CDK8: variants seen among roughly 807,000 people sequenced by gnomAD.
CDK8 encodes the protein cyclin-dependent kinase 8.
CDK8 carries 29 observed loss-of-function variants against 71.5 expected under a neutral mutation model. The observed-to-expected ratio is 0.41, with a 90% CI of 0.30 to 0.55. CDK8 has a LOEUF of 0.55. Ranked by LOEUF, CDK8 falls within the 20% of genes least tolerant of loss-of-function variation. The pLI is 0.37. For synonymous variants in CDK8, 161 were observed against 192.1 expected (o/e 0.84, Z 1.34); for missense variants, 288 against 572.6 (o/e 0.50, Z 5.07).
intron 12 of CDK8, among the ~76,000 whole-genome samples, chr13:26,403,700 G>T (rs1219557172): frequency 6.6e-6 from 1 of 152,144 alleles, no homozygotes; most frequent in East Asian, 1.9e-4. Flanking sequence ...GGTTACTCCT[G>T]TAGAAAAAAA....
chr13:26,358,956 G>T (rs1593286848), intron 4 of CDK8: 1 of 229,000 alleles, frequency 4.4e-6, no homozygotes, highest in Non-Finnish European at 9.2e-6. Context: ...GAGTCCAGGA[G>T]TTTGAGGCTG....
intron 4 of CDK8, among the ~76,000 whole-genome samples, chr13:26,378,819 A>G (rs1437731634): frequency 6.6e-6 from 1 of 152,254 alleles, no homozygotes; most frequent in African/African-American, 2.4e-5. Context: ...AACTGCTACC[A>G]AATTCTGCTA....
chr13:26,363,326 T>TAAAAAAAAAAAAAA, intron 4 of CDK8, among the ~76,000 whole-genome samples: 1 of 924 alleles, frequency 1.1e-3, no homozygotes, highest in Non-Finnish European at 2.4e-3. Context: ...AGACTCCATC[T>TAAAAAAAAAAAAAA]CAAAAAAAAA....
intron 1 of CDK8, among the ~76,000 whole-genome samples, chr13:26,329,035 T>G (rs28504059): frequency 5.7e-4 from 87 of 152,366 alleles, no homozygotes; most frequent in Non-Finnish European, 9.6e-4. Context: ...TTTGTTTTCT[T>G]GGATCCTCTT....
chr13:26,263,947 T>C (rs1395645940), intron 1 of CDK8, among the ~76,000 whole-genome samples: 1 of 148,854 alleles, frequency 6.7e-6, no homozygotes, highest in Non-Finnish European at 1.5e-5. Context: ...CGGGGTTTCA[T>C]CGTGTTAGCC....
chr13:26,313,001 A>G (rs544434192), intron 1 of CDK8, among the ~76,000 whole-genome samples: 1 of 152,246 alleles, frequency 6.6e-6, no homozygotes, highest in East Asian at 1.9e-4. Context: ...AAATGCTGTT[A>G]TATCAAGCTC....
At chr13:26,305,430 G>A (rs958279333) in intron 1 of CDK8, among the ~76,000 whole-genome samples, 11 of 152,108 alleles carry the variant, frequency 7.2e-5, no homozygotes, top group African/African-American at 2.7e-4. Flanking sequence ...GTACTTAAGT[G>A]TGGTTTTCTT....
In CDK8 at chr13:26,272,285, A is replaced by G. The variant is rs182235002; in HGVS notation, c.128+17516A>G. ...AGATGGGAGGATTGCTTGAGGCAGG[A>G]GTTCAAGACCAAACTTTTTTTTTTA... On this transcript the variant is annotated intron_variant, in intron 1 of 12. Coordinates refer to ENST00000381527, the MANE Select transcript of CDK8 (RefSeq NM_001260.3). Among the ~76,000 whole-genome samples, 34 of 152,124 alleles carry G rather than the reference A, an allele frequency of 2.2e-4. 1 individual carries two copies. The East Asian group carries it at 6.6e-3, about 29-fold the overall frequency.
intron 1 of CDK8, among the ~76,000 whole-genome samples, chr13:26,276,140 C>T (rs368297953): frequency 5.9e-5 from 9 of 152,124 alleles, no homozygotes; most frequent in African/African-American, 1.9e-4. Flanking sequence ...GGATTACAGG[C>T]GTGAGTAACC....
intron 1 of CDK8, among the ~76,000 whole-genome samples, chr13:26,274,440 T>TC (rs1872479667): frequency 6.6e-6 from 1 of 151,568 alleles, no homozygotes; most frequent in African/African-American, 2.4e-5. Flanking sequence ...TTTCTTTCTT[T>TC]TTTTTTTTTG....
At chr13:26,300,653 A>G (rs1169328942) in intron 1 of CDK8, among the ~76,000 whole-genome samples, 1 of 152,188 alleles carries the variant, frequency 6.6e-6, no homozygotes, top group Non-Finnish European at 1.5e-5. Context: ...AAGGTCGTCC[A>G]GATATTAGAT....
chr13:26,359,304 G>A (rs1874031511), intron 4 of CDK8, among the ~76,000 whole-genome samples: 1 of 151,954 alleles, frequency 6.6e-6, no homozygotes, highest in Non-Finnish European at 1.5e-5. Context: ...ACAGCATTAT[G>A]AATGTGCATT....
At chr13:26,393,875 G>A (rs1875867352) in intron 7 of CDK8, among the ~76,000 whole-genome samples, 1 of 151,962 alleles carries the variant, frequency 6.6e-6, no homozygotes, top group Non-Finnish European at 1.5e-5. Context: ...ATTTTTTTCT[G>A]GCAGCACATA....
chr13:26,342,623 A>G (rs1873291237), intron 2 of CDK8, among the ~76,000 whole-genome samples: 1 of 152,154 alleles, frequency 6.6e-6, no homozygotes. Flanking sequence ...TATTTACTTC[A>G]AGGTAATTGT....
At chr13:26,339,695 TTTTA>T (rs370690774) in intron 2 of CDK8, among the ~76,000 whole-genome samples, 3,740 of 136,352 alleles carry the variant, frequency 0.027, 106 homozygotes, top group South Asian at 0.083. Context: ...ATACTTTCCA[TTTTA>T]TTTATTTATT....
At chr13:26,325,664 G>A (rs908076194) in intron 1 of CDK8, among the ~76,000 whole-genome samples, 8 of 152,150 alleles carry the variant, frequency 5.3e-5, no homozygotes, top group African/African-American at 1.9e-4. Flanking sequence ...GTCAGTTTGG[G>A]AATTAGGTGC....
chr13:26,337,500 T>G (rs1199136407), intron 1 of CDK8, 67 bp from the exon 2 acceptor site: 1 of 584,658 alleles, frequency 1.7e-6, no homozygotes, highest in Non-Finnish European at 2.8e-6. Flanking sequence ...TTTATTTATA[T>G]TTTACTTTAT....
chr13:26,347,541 G>A (rs1383271460), intron 2 of CDK8, among the ~76,000 whole-genome samples: 3 of 152,154 alleles, frequency 2.0e-5, no homozygotes, highest in Non-Finnish European at 4.4e-5. Flanking sequence ...TATTTGATAA[G>A]GGATTAGTAT....
chr13:26,351,282 A>G (rs1179220088), intron 3 of CDK8, among the ~76,000 whole-genome samples: 1 of 152,146 alleles, frequency 6.6e-6, no homozygotes. Flanking sequence ...TTTATTATGT[A>G]TACATGAAAT....
Sources: gnomAD v4.1 joint callset for allele counts (sites outside exome capture counted in the v4.1 genomes callset) on GRCh38, gnomAD v4.1.1 for gene constraint, MANE v1.5 for transcripts, NCBI Gene and HGNC (gene_info 2026-07-23, HGNC 2026-07-21) for gene names.